SCARA5: variants seen among roughly 807,000 people sequenced by gnomAD.
SCARA5 encodes scavenger receptor class A member 5.
In SCARA5, 45 loss-of-function variants were observed where a neutral mutation model predicts 46.3. That is an observed-to-expected ratio of 0.97 (90% CI 0.76 to 1.24). The LOEUF (loss-of-function observed/expected upper bound fraction) is 1.24, where lower values mean the gene tolerates loss of function less well. Ranked by LOEUF, SCARA5 falls within the 50% of genes most tolerant of loss-of-function variation. The pLI is 0.00. For missense variants in SCARA5, 680 were observed against 689.0 expected, an observed-to-expected ratio of 0.99 and a Z score of 0.15; for synonymous variants, 333 against 306.5, an observed-to-expected ratio of 1.09 and a Z score of -0.90.
At chr8:27,892,324 G>A (rs1281552058) in intron 7 of SCARA5, among the ~76,000 whole-genome samples, 2 of 152,166 alleles carry the variant, frequency 1.3e-5, no homozygotes, top group Admixed American at 6.5e-5. Flanking sequence ...AAATCTCCTT[G>A]CATATCCTCA....
chr8:27,892,605 C>CTTTTTTTTTTTTTTTTTTTTTTTT (rs1224026831), intron 7 of SCARA5, among the ~76,000 whole-genome samples: 1 of 119,788 alleles, frequency 8.3e-6, no homozygotes. Flanking sequence ...CATACCTCAC[C>CTTTTTTTTTTTTTTTTTTTTTTTT]CTTTTTTTTT....
At chr8:27,947,002 T>C (rs1420378231) in intron 3 of SCARA5, among the ~76,000 whole-genome samples, 1 of 151,832 alleles carries the variant, frequency 6.6e-6, no homozygotes, top group East Asian at 1.9e-4. Context: ...GTGGTCAGAA[T>C]ATCCTGTTGG....
chr8:27,946,844 C>T (rs890256657), intron 3 of SCARA5, among the ~76,000 whole-genome samples: 1 of 152,126 alleles, frequency 6.6e-6, no homozygotes, highest in African/African-American at 2.4e-5. Flanking sequence ...TTTCAAATAA[C>T]AACCCACCCC....
chr8:27,922,830 C>T (rs940823688), intron 3 of SCARA5, among the ~76,000 whole-genome samples: 2 of 152,072 alleles, frequency 1.3e-5, no homozygotes, highest in Non-Finnish European at 2.9e-5. Flanking sequence ...AGGGCAGAGC[C>T]CTCGCGTATT....
intron 7 of SCARA5, among the ~76,000 whole-genome samples, chr8:27,891,032 G>A (rs1806972336): frequency 6.6e-6 from 1 of 152,056 alleles, no homozygotes. Context: ...AAGTCTGAGA[G>A]GCATTTCAGA....
chr8:27,932,946 T>C (rs557631896), intron 3 of SCARA5, among the ~76,000 whole-genome samples: 12 of 152,368 alleles, frequency 7.9e-5, no homozygotes, highest in Admixed American at 7.2e-4. Flanking sequence ...TTCTGATTCT[T>C]ATAAGGACAG....
rs760980016 is a variant in SCARA5, at chr8:27,879,644, C to T, written c.1276G>A (p.Asp426Asn). 7.4e-6 allele frequency: 12 copies of T among 1,612,640 alleles called. No individual in the cohort carries two copies. In the South Asian group the frequency reaches 7.7e-5, roughly 10 times the overall value. ...TVCDDGWDKK[D>N]GDVVCRMLGF... Reference sequence around the variant, plus strand: ...AGCATGCGGCACACCACGTCTCCGTCCTTCTTGTCCCAGCCGTCGTCACAC... The same window carrying T: ...AGCATGCGGCACACCACGTCTCCGTTCTTCTTGTCCCAGCCGTCGTCACAC... Residue 426 changes from aspartate to asparagine, a missense_variant, in exon 8 of 9, where the codon GAC becomes AAC. This residue lies in a region of SCARA5 where 219 missense variants were observed against 269.5 expected (regional missense o/e 0.81). Transcript: ENST00000354914.
At chr8:27,967,495 T>A (rs769037691) in intron 2 of SCARA5, among the ~76,000 whole-genome samples, 3 of 152,096 alleles carry the variant, frequency 2.0e-5, no homozygotes, top group Non-Finnish European at 4.4e-5. Context: ...GCAGGGCATG[T>A]AGGAATCACT....
chr8:27,978,193 ATTT>A (rs34584740), intron 2 of SCARA5, among the ~76,000 whole-genome samples: 2 of 137,944 alleles, frequency 1.4e-5, no homozygotes, highest in Non-Finnish European at 1.6e-5. Flanking sequence ...CATCCGGCTA[ATTT>A]TTTTTTTTTT....
At chr8:27,955,668 A>G (rs968028056) in intron 3 of SCARA5, among the ~76,000 whole-genome samples, 1 of 152,218 alleles carries the variant, frequency 6.6e-6, no homozygotes. Flanking sequence ...TGAAGACTGG[A>G]CAGGAATGTG....
intron 4 of SCARA5, among the ~76,000 whole-genome samples, chr8:27,911,024 C>T (rs911590937): frequency 6.6e-6 from 1 of 152,214 alleles, no homozygotes; most frequent in African/African-American, 2.4e-5. Flanking sequence ...ACCCACAGGG[C>T]TAGACATCTC....
At chr8:27,885,187 G>A (rs560232847) in intron 7 of SCARA5, among the ~76,000 whole-genome samples, 1 of 152,292 alleles carries the variant, frequency 6.6e-6, no homozygotes, top group Non-Finnish European at 1.5e-5. Flanking sequence ...GAAGAGGGTG[G>A]GGAGTGAGAG....
intron 3 of SCARA5, among the ~76,000 whole-genome samples, chr8:27,960,030 T>A (rs1808270842): frequency 6.6e-6 from 1 of 152,220 alleles, no homozygotes; most frequent in African/African-American, 2.4e-5. Context: ...CATGTGCATA[T>A]GGACACGTAC....
chr8:27,945,035 T>C (rs1808011547), intron 3 of SCARA5, among the ~76,000 whole-genome samples: 1 of 151,832 alleles, frequency 6.6e-6, no homozygotes. Context: ...TGTGGTGGTA[T>C]AGGCCTGTAG....
At chr8:27,974,477 TC>T (rs1358917216) in intron 2 of SCARA5, among the ~76,000 whole-genome samples, 1 of 151,942 alleles carries the variant, frequency 6.6e-6, no homozygotes, top group Non-Finnish European at 1.5e-5. Flanking sequence ...AGGCAATGAT[TC>T]CATTGTTACC....
rs112895375 is a variant in SCARA5 at position 27,949,700 on chromosome 8, C to T, written c.241+16714G>A. ...GCATCCCATCAAGAGGGCTTTTCCC[C>T]GTGGAAACTCACGCCCACGGTACCC... On this transcript the variant is annotated intron_variant, in intron 3 of 8. Transcript: ENST00000354914. Among the ~76,000 whole-genome samples, 300 of 152,304 alleles carry T rather than the reference C, an allele frequency of 2.0e-3. 3 individuals carry two copies. Among genetic ancestry groups the T allele is most frequent in the African/African-American group, 6.1e-3 (254 of 41,546 alleles).
At chr8:27,986,535 T>C (rs1037066607) in intron 2 of SCARA5, among the ~76,000 whole-genome samples, 8 of 152,166 alleles carry the variant, frequency 5.3e-5, no homozygotes, top group South Asian at 2.1e-4. Context: ...AGAGCCACCA[T>C]GGTGGACAAT....
intron 1 of SCARA5, among the ~76,000 whole-genome samples, chr8:27,991,987 G>A (rs1242272924): frequency 2.0e-5 from 3 of 152,148 alleles, no homozygotes; most frequent in Non-Finnish European, 4.4e-5. Context: ...ACATGAGTCA[G>A]GTGGAGTAGC....
chr8:27,912,521 C>T (rs533307177), intron 4 of SCARA5, among the ~76,000 whole-genome samples: 20 of 152,330 alleles, frequency 1.3e-4, no homozygotes, highest in Admixed American at 7.2e-4. Flanking sequence ...GGCACAGAAA[C>T]GAAGGGCGGA....
Sources: allele counts gnomAD v4.1 joint callset (sites outside exome capture counted in the v4.1 genomes callset), GRCh38; gene constraint gnomAD v4.1.1; regional missense constraint gnomAD v4.1.1; transcripts MANE v1.5; gene names NCBI Gene and HGNC (gene_info 2026-07-23, HGNC 2026-07-21).